Variants in KLHL8 observed in about 807,000 individuals in gnomAD.
KLHL8 encodes kelch like family member 8.
KLHL8 carries 38 observed loss-of-function variants against 63.5 expected under a neutral mutation model. That is an observed-to-expected ratio of 0.60 (90% CI 0.46 to 0.78). The LOEUF (loss-of-function observed/expected upper bound fraction) is 0.78. Ranked by LOEUF, KLHL8 falls within the 30% of genes least tolerant of loss-of-function variation. The pLI, the probability that KLHL8 is intolerant of heterozygous loss-of-function variation, is 0.00. For missense variants in KLHL8, 566 were observed against 752.4 expected, an observed-to-expected ratio of 0.75 and a Z score of 2.90; for synonymous variants, 224 against 254.3, an observed-to-expected ratio of 0.88 and a Z score of 1.13.
In KLHL8 at chr4:87,183,510, C is replaced by A. The variant is rs989096780; in HGVS notation, c.766-121G>T. On this transcript the variant is annotated intron_variant, in intron 3 of 9. Coordinates refer to ENST00000273963, the MANE Select transcript of KLHL8 (RefSeq NM_020803.5). ...GAGTAATTCTCCACTTCTACTGCAG[C>A]ATGTTCTCTTTTTAAAACTTAAGTT... 5 of 735,566 alleles carry A rather than the reference C, an allele frequency of 6.8e-6. No homozygotes were observed. The African/African-American group carries it at 7.1e-5, about 11-fold the overall frequency. 45.6% of individuals were successfully genotyped at this position (735,566 alleles called of 1,614,324 possible). A position where few individuals can be genotyped will look rare whatever the true frequency, so the allele number is the denominator to read the frequency against.
At chr4:87,214,415 GATATAT>G (rs58112792) in intron 1 of KLHL8, among the ~76,000 whole-genome samples, 1,060 of 92,850 alleles carry the variant, frequency 0.011, 5 homozygotes, top group South Asian at 0.041. Flanking sequence ...GCACATAACA[GATATAT>G]ATATATATAT....
intron 1 of KLHL8, among the ~76,000 whole-genome samples, chr4:87,202,668 A>G (rs1217554844): frequency 6.6e-6 from 1 of 152,206 alleles, no homozygotes; most frequent in African/African-American, 2.4e-5. Flanking sequence ...TATAACTATT[A>G]AATTAAATCA....
chr4:87,177,629 C>G (rs1730881178), intron 5 of KLHL8, among the ~76,000 whole-genome samples: 1 of 151,988 alleles, frequency 6.6e-6, no homozygotes, highest in East Asian at 1.9e-4. Flanking sequence ...CTTTTTGAGA[C>G]AGGGTCTTGC....
rs562361383 is a variant in KLHL8, at chr4:87,161,101, T to G, written c.*2418A>C. The G allele has an allele frequency of 6.7e-6, 1 of 148,254 alleles. No individual in the cohort carries two copies. Among genetic ancestry groups the G allele is most frequent in the East Asian group, 2.0e-4 (1 of 4,900 alleles). The allele number at this position is 148,254 out of a possible 1,614,324, so 9.2% of individuals were successfully genotyped here. A position where few individuals can be genotyped will look rare whatever the true frequency, so the allele number is the denominator to read the frequency against. ...CTCTTGTTTCACCGCTGGAGTGCGATGGCTCAACCTCGGCTCATTGCAACC... is the reference window on the plus strand; with the variant it reads ...CTCTTGTTTCACCGCTGGAGTGCGAGGGCTCAACCTCGGCTCATTGCAACC... On this transcript the variant is annotated 3_prime_UTR_variant, in exon 10 of 10. Transcript: ENST00000273963.
At chr4:87,201,808 A>G (rs1362489873) in intron 1 of KLHL8, among the ~76,000 whole-genome samples, 2 of 152,242 alleles carry the variant, frequency 1.3e-5, no homozygotes, top group Admixed American at 6.5e-5. Context: ...AAGAGAAATT[A>G]GAAATTTCTT....
At chr4:87,187,314 G>C (rs147571162) in intron 2 of KLHL8, among the ~76,000 whole-genome samples, 5 of 151,672 alleles carry the variant, frequency 3.3e-5, no homozygotes, top group Non-Finnish European at 7.4e-5. Context: ...TCCCGCCTCG[G>C]CCTCCAAAAG....
intron 1 of KLHL8, among the ~76,000 whole-genome samples, chr4:87,239,707 G>A (rs1028529630): frequency 5.9e-5 from 9 of 152,142 alleles, no homozygotes; most frequent in Non-Finnish European, 1.2e-4. Flanking sequence ...GAATTTATGA[G>A]AACCTTGGGC....
chr4:87,204,495 C>G (rs1179130517), intron 1 of KLHL8, among the ~76,000 whole-genome samples: 1 of 152,146 alleles, frequency 6.6e-6, no homozygotes, highest in Non-Finnish European at 1.5e-5. Flanking sequence ...CTCGTGTTTA[C>G]ACAAAAACTT....
intron 1 of KLHL8, among the ~76,000 whole-genome samples, chr4:87,214,258 C>G (rs1221868101): frequency 1.3e-5 from 2 of 150,098 alleles, no homozygotes; most frequent in African/African-American, 4.9e-5. Flanking sequence ...GTGCTTCTAT[C>G]TACTTATTAG....
chr4:87,187,038 T>C (rs1320728765), intron 2 of KLHL8, among the ~76,000 whole-genome samples: 2 of 152,064 alleles, frequency 1.3e-5, no homozygotes, highest in Non-Finnish European at 2.9e-5. Context: ...CTTCCAACAG[T>C]ATGCTATTAC....
chr4:87,214,415 G>GAGAT (rs1732512148), intron 1 of KLHL8, among the ~76,000 whole-genome samples: 3 of 93,086 alleles, frequency 3.2e-5, no homozygotes, highest in East Asian at 2.3e-4. Flanking sequence ...GCACATAACA[G>GAGAT]ATATATATAT....
At chr4:87,226,631 ACT>A (rs869088550) in intron 1 of KLHL8, among the ~76,000 whole-genome samples, 1 of 74,488 alleles carries the variant, frequency 1.3e-5, no homozygotes, top group Non-Finnish European at 2.5e-5. Context: ...AATATATATT[ACT>A]TATATAAATA....
chr4:87,207,557 C>T (rs529552412), intron 1 of KLHL8: 23 of 1,121,740 alleles, frequency 2.1e-5, no homozygotes, highest in African/African-American at 3.0e-5. Context: ...AACTGCTTAG[C>T]GCCCCTGGCC....
chr4:87,224,685 A>G (rs1052513587), upstream of KLHL8, among the ~76,000 whole-genome samples: 1 of 152,098 alleles, frequency 6.6e-6, no homozygotes, highest in African/African-American at 2.4e-5. Context: ...TTACTGTGGC[A>G]CTTCAGCTTC....
At chr4:87,168,688 A>G (rs1028504173) in intron 8 of KLHL8, among the ~76,000 whole-genome samples, 7 of 147,224 alleles carry the variant, frequency 4.8e-5, no homozygotes, top group Non-Finnish European at 7.4e-5. Context: ...ATATGTGTGT[A>G]TATATATACG....
At chr4:87,202,752 T>C (rs1261356641) in intron 1 of KLHL8, among the ~76,000 whole-genome samples, 1 of 152,206 alleles carries the variant, frequency 6.6e-6, no homozygotes. Context: ...GAAATAGCCT[T>C]GACTCTACAA....
Position 87,170,571 on chromosome 4 carries a change from A to G in KLHL8, c.1253T>C (p.Ile418Thr). ...GCAAGTATTGTCATCTAACCCTCCA[A>G]TTGCATAAATTGGGCCTCCTAAGGA... is the stretch of plus-strand genomic sequence containing the variant. ...LASLGGPIYA[I>T]GGLDDNTCFN... The change falls in exon 7 of 10, where the codon ATT becomes ACT. Residue 418 changes from isoleucine (I) to threonine (T), a missense_variant. Physicochemically the swap from Ile to Thr is moderately conservative, Grantham distance 89 (BLOSUM62 -1). Transcript: ENST00000273963. 1 of 1,613,816 alleles carries G rather than the reference A, an allele frequency of 6.2e-7. No homozygotes were observed. Among genetic ancestry groups the G allele is most frequent in the Non-Finnish European group, 8.5e-7 (1 of 1,179,896 alleles).
rs778181173 is a variant in KLHL8 at position 87,204,383 on chromosome 4, T to TA, written c.-151-8694dup. The stretch of plus-strand genomic sequence containing the variant: ...GCAATGCAAAACAGCATCACTGTTC[T>TA]AAAAAAAAAAAAAAGGTGGAAGTTT... On this transcript the variant is annotated intron_variant, in intron 1 of 9. Transcript: ENST00000273963. Among the ~76,000 whole-genome samples, 281 of 137,990 alleles carry TA rather than the reference T, an allele frequency of 2.0e-3. 3 individuals are homozygous for TA. Among genetic ancestry groups the TA allele is most frequent in the African/African-American group, 3.7e-3 (140 of 37,546 alleles). The allele number at this position is 137,990 out of a possible 152,430, so 90.5% of individuals were successfully genotyped here.
At chr4:87,208,369 C>CTT (rs1011114394) in intron 1 of KLHL8, among the ~76,000 whole-genome samples, 1 of 142,286 alleles carries the variant, frequency 7.0e-6, no homozygotes, top group Non-Finnish European at 1.5e-5. Flanking sequence ...TTCTTTTTTT[C>CTT]TTTTTTTTTT....
Sources: gnomAD v4.1 joint callset for allele counts (sites outside exome capture counted in the v4.1 genomes callset) on GRCh38, gnomAD v4.1.1 for gene constraint, MANE v1.5 for transcripts, NCBI Gene and HGNC (gene_info 2026-07-23, HGNC 2026-07-21) for gene names.